NTRK3: variants seen among roughly 807,000 people sequenced by gnomAD.
The protein encoded by NTRK3 is neurotrophic receptor tyrosine kinase 3.
A neutral mutation model predicts 91.7 loss-of-function variants in NTRK3; 24 were observed. The ratio of observed to expected loss-of-function variants is 0.26; its 90% CI spans 0.19 to 0.37. The LOEUF (loss-of-function observed/expected upper bound fraction) is 0.37. Ranked by LOEUF, NTRK3 falls within the 10% of genes least tolerant of loss-of-function variation. The pLI is 1.00. For missense variants in NTRK3, 880 were observed against 1,068.9 expected (o/e 0.82, Z 2.46); for synonymous variants, 483 against 404.0 (o/e 1.20, Z -2.34).
At chr15:88,136,404 C>A (rs193290359) in intron 8 of NTRK3, 63 bp downstream of exon 8, 6 of 1,610,156 alleles carry the variant, frequency 3.7e-6, no homozygotes, top group East Asian at 2.2e-5. Flanking sequence ...TTTCCCTCTT[C>A]TTCAAGACTA....
intron 5 of NTRK3, among the ~76,000 whole-genome samples, chr15:88,167,632 G>C (rs1230520169): frequency 1.3e-5 from 2 of 152,154 alleles, no homozygotes; most frequent in South Asian, 2.1e-4. Context: ...ATATTGCTCA[G>C]AGAACTGGTC....
intron 14 of NTRK3, among the ~76,000 whole-genome samples, chr15:87,995,007 T>C (rs2075584157): frequency 6.6e-6 from 1 of 152,230 alleles, no homozygotes; most frequent in African/African-American, 2.4e-5. Flanking sequence ...TTAAGTGATG[T>C]ACCTTCAACT....
chr15:88,201,178 C>T lies in NTRK3; in HGVS notation c.249-16879G>A, dbSNP rs143445739. On this transcript the variant is annotated intron_variant, in intron 3 of 18. Coordinates refer to ENST00000394480, the Ensembl canonical transcript of NTRK3. ...CAGATTCAAGCCCTGATATCTTACCCACCATGATATGTTGGAATGGGAGTG... is the reference window on the plus strand; with the variant it reads ...CAGATTCAAGCCCTGATATCTTACCTACCATGATATGTTGGAATGGGAGTG... Among the ~76,000 whole-genome samples, 1,193 of 152,340 alleles carry T rather than the reference C, an allele frequency of 7.8e-3. 12 individuals are homozygous for T. Among genetic ancestry groups the T allele is most frequent in the Middle Eastern group, 0.017 (5 of 294 alleles).
chr15:88,136,362 G>T, intron 8 of NTRK3, 105 bp downstream of exon 8: 2 of 1,403,444 alleles, frequency 1.4e-6, no homozygotes, highest in Non-Finnish European at 2.0e-6. Flanking sequence ...CCAAGTCTAT[G>T]TGTTTTTTCC....
chr15:87,972,764 C>T (rs758862153), intron 14 of NTRK3, among the ~76,000 whole-genome samples: 3 of 152,126 alleles, frequency 2.0e-5, no homozygotes, highest in Non-Finnish European at 4.4e-5. Context: ...CCACCAGAGC[C>T]CTCAGCTAAG....
chr15:88,022,198 G>A (rs546199975), intron 14 of NTRK3, among the ~76,000 whole-genome samples: 1 of 152,196 alleles, frequency 6.6e-6, no homozygotes, highest in Admixed American at 6.5e-5. Flanking sequence ...TAAGCTCTCT[G>A]GCTTCCAAAA....
intron 14 of NTRK3, among the ~76,000 whole-genome samples, chr15:87,967,924 C>T (rs765465435): frequency 1.2e-4 from 19 of 152,156 alleles, no homozygotes; most frequent in Non-Finnish European, 2.6e-4. Context: ...GTAGATTTCC[C>T]TGGCTCCAAA....
intron 14 of NTRK3, among the ~76,000 whole-genome samples, chr15:87,946,551 T>C (rs2070520323): frequency 6.6e-6 from 1 of 152,142 alleles, no homozygotes; most frequent in African/African-American, 2.4e-5. Context: ...AGGTGTTGAC[T>C]TAAGAGGCTC....
intron 17 of NTRK3, among the ~76,000 whole-genome samples, chr15:87,920,032 T>G (rs1381566336): frequency 1.3e-5 from 2 of 152,166 alleles, no homozygotes; most frequent in Admixed American, 1.3e-4. Flanking sequence ...AGAGATCATA[T>G]GGCTGGAATC....
chr15:87,885,332 A>G (rs1464510292), intron 17 of NTRK3, among the ~76,000 whole-genome samples: 1 of 151,958 alleles, frequency 6.6e-6, no homozygotes, highest in African/African-American at 2.4e-5. Flanking sequence ...TTTCTTCTTT[A>G]GATTAATCTG....
At chr15:87,896,167 A>G (rs961700310) in intron 17 of NTRK3, among the ~76,000 whole-genome samples, 1 of 152,196 alleles carries the variant, frequency 6.6e-6, no homozygotes, top group African/African-American at 2.4e-5. Flanking sequence ...TTGGCTCAGA[A>G]TAAATCTCTT....
intron 17 of NTRK3, among the ~76,000 whole-genome samples, chr15:87,924,126 T>C (rs1384881568): frequency 6.6e-6 from 1 of 152,046 alleles, no homozygotes; most frequent in Admixed American, 6.6e-5. Context: ...AGAAAATGCG[T>C]GTGATAGGGG....
At chr15:87,940,361 C>T (rs1490885939) in intron 15 of NTRK3, among the ~76,000 whole-genome samples, 1 of 152,186 alleles carries the variant, frequency 6.6e-6, no homozygotes, top group Non-Finnish European at 1.5e-5. Context: ...CACAGGGCCA[C>T]TAAAAAAGGA....
At chr15:88,158,291 G>C (rs2044108063) in intron 5 of NTRK3, among the ~76,000 whole-genome samples, 1 of 152,198 alleles carries the variant, frequency 6.6e-6, no homozygotes, top group African/African-American at 2.4e-5. Flanking sequence ...ACAAATACAG[G>C]AGGTCCAGGT....
intron 3 of NTRK3, among the ~76,000 whole-genome samples, chr15:88,194,158 C>T (rs1402541601): frequency 6.6e-6 from 1 of 152,386 alleles, no homozygotes; most frequent in South Asian, 2.1e-4. Context: ...ACTACACTCT[C>T]TCCTGGGTTT....
In NTRK3 at chr15:88,255,759, C is replaced by A; in HGVS notation, c.248+147G>T. ...GAATGCGCAGCCGGAGAGCATCTCC[C>A]GAGCCAGAGCGAGCCTGACGCGCGC... On this transcript the variant is annotated intron_variant, in intron 3 of 18. Transcript: ENST00000394480. The surrounding 1 kb of genome is among the most constrained non-coding windows in gnomAD (Gnocchi z 4.3). The A allele has an allele frequency of 1.8e-6, 1 of 564,304 alleles. No individual in the cohort carries two copies. The highest frequency in any genetic ancestry group is 2.7e-6 in the Non-Finnish European group (1 of 377,016). 35.0% of individuals were successfully genotyped at this position (564,304 alleles called of 1,614,324 possible).
chr15:87,891,773 T>G (rs947192561), intron 17 of NTRK3, among the ~76,000 whole-genome samples: 1 of 152,152 alleles, frequency 6.6e-6, no homozygotes, highest in Non-Finnish European at 1.5e-5. Context: ...CTTTTGTTAT[T>G]GTCCATGGGG....
chr15:88,035,618 C>T (rs28546890), intron 13 of NTRK3, among the ~76,000 whole-genome samples: 6,128 of 152,256 alleles, frequency 0.04, 404 homozygotes, highest in African/African-American at 0.14. Flanking sequence ...GGCAGAATCG[C>T]ACTAGCTTTC....
At chr15:88,179,600 G>T (rs942160378) in intron 5 of NTRK3, among the ~76,000 whole-genome samples, 1 of 152,184 alleles carries the variant, frequency 6.6e-6, no homozygotes, top group Non-Finnish European at 1.5e-5. Flanking sequence ...AGACTGTGGC[G>T]ATCCAGTCTG....
Sources: allele counts gnomAD v4.1 joint callset (sites outside exome capture counted in the v4.1 genomes callset), GRCh38; gene constraint gnomAD v4.1.1; non-coding constraint Gnocchi (gnomAD v3.1); transcripts MANE v1.5; gene names NCBI Gene and HGNC (gene_info 2026-07-23, HGNC 2026-07-21).